The following LIMCH1 variants were observed in gnomAD, a reference collection of about 807,000 sequenced individuals.
LIMCH1 encodes the protein LIM and calponin homology domains 1, also known as LIM and calponin homology domains-containing protein 1.
Under a neutral mutation model 176.5 loss-of-function variants are expected in LIMCH1, and 113 were observed. That is an observed-to-expected ratio of 0.64 (90% CI 0.55 to 0.75). LIMCH1 has a LOEUF of 0.75. LIMCH1 is among the 30% of genes least tolerant of loss of function. The pLI is 0.00. For synonymous variants in LIMCH1, 619 were observed against 645.9 expected (o/e 0.96, Z 0.63); for missense variants, 1,674 against 1,814.9 (o/e 0.92, Z 1.41).
intron 1 of LIMCH1, among the ~76,000 whole-genome samples, chr4:41,396,864 C>T (rs560443918): frequency 8.2e-4 from 124 of 151,672 alleles, no homozygotes; most frequent in African/African-American, 2.6e-3. Flanking sequence ...GGTGCCACTG[C>T]GCTTCAGCCT....
chr4:41,676,550 G>A (rs1039441809), intron 23 of LIMCH1, 88 bp downstream of exon 23: 4 of 933,648 alleles, frequency 4.3e-6, no homozygotes, highest in Non-Finnish European at 5.2e-6. Flanking sequence ...CACAGGAAAT[G>A]AATGGAATCA....
chr4:41,583,250 A>G (rs1370396003), intron 1 of LIMCH1, among the ~76,000 whole-genome samples: 1 of 152,172 alleles, frequency 6.6e-6, no homozygotes, highest in Non-Finnish European at 1.5e-5. Context: ...AACCCTGTCT[A>G]TATCTTCCCA....
intron 1 of LIMCH1, among the ~76,000 whole-genome samples, chr4:41,564,395 GA>G (rs1347932158): frequency 1.3e-5 from 2 of 152,152 alleles, no homozygotes; most frequent in Non-Finnish European, 2.9e-5. Context: ...AAAAATAAAA[GA>G]CACACTTGCC....
At chr4:41,527,630 T>C (rs901822016) in intron 3 of LIMCH1, among the ~76,000 whole-genome samples, 5 of 152,110 alleles carry the variant, frequency 3.3e-5, no homozygotes, top group Admixed American at 3.3e-4. Context: ...TGTCAGGAGA[T>C]TGCGACCACG....
intron 1 of LIMCH1, among the ~76,000 whole-genome samples, chr4:41,561,853 C>T (rs1317352809): frequency 1.1e-4 from 17 of 152,142 alleles, no homozygotes; most frequent in Admixed American, 1.1e-3. Flanking sequence ...AGACGGATGT[C>T]ACAAGAGCAT....
chr4:41,679,867 G>A (rs907085283), intron 23 of LIMCH1, 139 bp from the exon 24 acceptor site: 2 of 586,672 alleles, frequency 3.4e-6, no homozygotes, highest in Non-Finnish European at 3.0e-6. Context: ...CCTTTTTATT[G>A]CATGAATCAA....
chr4:41,469,665 GATTTATTT>G (rs71198659), intron 1 of LIMCH1, among the ~76,000 whole-genome samples: 2 of 148,248 alleles, frequency 1.3e-5, no homozygotes, highest in Non-Finnish European at 3.0e-5. Flanking sequence ...CTTGTTTTGA[GATTTATTT>G]ATTTATTTAT....
chr4:41,671,240 C>G (rs2095013859), intron 21 of LIMCH1, among the ~76,000 whole-genome samples: 1 of 152,032 alleles, frequency 6.6e-6, no homozygotes, highest in African/African-American at 2.4e-5. Flanking sequence ...AGAATCAGTA[C>G]TAATAGGAAC....
chr4:41,526,209 C>T (rs1398325528), intron 3 of LIMCH1, among the ~76,000 whole-genome samples: 3 of 150,022 alleles, frequency 2.0e-5, no homozygotes, highest in African/African-American at 7.4e-5. Flanking sequence ...ACTAGTATTC[C>T]TCTACTTTCT....
chr4:41,430,477 T>G (rs2154135848), intron 1 of LIMCH1, among the ~76,000 whole-genome samples: 1 of 152,294 alleles, frequency 6.6e-6, no homozygotes, highest in African/African-American at 2.4e-5. Flanking sequence ...TTGGCTAGGA[T>G]GGTCTCGATC....
intron 1 of LIMCH1, among the ~76,000 whole-genome samples, chr4:41,463,666 C>T (rs1487185812): frequency 3.3e-5 from 5 of 151,800 alleles, no homozygotes; most frequent in Admixed American, 1.3e-4. Flanking sequence ...GCCCCCATTT[C>T]CTCAGCTCAG....
At chr4:41,604,124 T>C in intron 3 of LIMCH1, 1 of 847,558 alleles carries the variant, frequency 1.2e-6, no homozygotes, top group African/African-American at 1.8e-5. Context: ...AAGTGCTCAA[T>C]CCAGAAATAA....
chr4:41,419,632 TTCC>T lies in LIMCH1; in HGVS notation c.96+58701_96+58703del, dbSNP rs753466624. Among the ~76,000 whole-genome samples, 825 of 92,314 alleles carry T rather than the reference TTCC, an allele frequency of 8.9e-3. 18 individuals carry two copies. The highest frequency in any genetic ancestry group is 0.024 in the South Asian group (53 of 2,200). The allele number at this position is 92,314 out of a possible 152,430, so 60.6% of individuals were successfully genotyped here. On this transcript the variant is annotated intron_variant, in intron 1 of 26. Transcript: ENST00000313860. ...CTTCCTTCCTTCCTTCCTTCCTTCC[TTCC>T]TCCTTCCTTTCTTCCTCCTTCCTTC... is the stretch of plus-strand genomic sequence containing the variant.
chr4:41,485,638 A>T (rs1002832733), intron 1 of LIMCH1, among the ~76,000 whole-genome samples: 6 of 152,080 alleles, frequency 3.9e-5, no homozygotes, highest in African/African-American at 1.4e-4. Context: ...CATGCCCATT[A>T]GTTTGTGTGT....
chr4:41,500,831 G>A, intron 2 of LIMCH1, among the ~76,000 whole-genome samples: 1 of 152,212 alleles, frequency 6.6e-6, no homozygotes. Context: ...TTCAATACAA[G>A]TGAGGGCATG....
intron 1 of LIMCH1, among the ~76,000 whole-genome samples, chr4:41,397,107 A>C (rs988080463): frequency 6.6e-6 from 1 of 152,032 alleles, no homozygotes; most frequent in Non-Finnish European, 1.5e-5. Context: ...GGATTGGGCC[A>C]TTGGTTTGGT....
At chr4:41,408,138 G>T (rs141326079) in intron 1 of LIMCH1, among the ~76,000 whole-genome samples, 1 of 152,102 alleles carries the variant, frequency 6.6e-6, no homozygotes, top group Non-Finnish European at 1.5e-5. Context: ...TTTATGGAAG[G>T]CAGCAAAGTG....
At chr4:41,500,651 A>T (rs1199772637) in intron 2 of LIMCH1, among the ~76,000 whole-genome samples, 1 of 152,162 alleles carries the variant, frequency 6.6e-6, no homozygotes, top group African/African-American at 2.4e-5. Flanking sequence ...CACCTTTGGC[A>T]AGGTCAGATG....
intron 1 of LIMCH1, among the ~76,000 whole-genome samples, chr4:41,553,082 A>T (rs1404697474): frequency 6.6e-6 from 1 of 152,276 alleles, no homozygotes; most frequent in Admixed American, 6.5e-5. Context: ...GCGCTACAAG[A>T]ATCTCTTCTC....
Sources: allele counts gnomAD v4.1 joint callset (sites outside exome capture counted in the v4.1 genomes callset), GRCh38; gene constraint gnomAD v4.1.1; transcripts MANE v1.5; gene names NCBI Gene and HGNC (gene_info 2026-07-23, HGNC 2026-07-21).